Variants in SGTA observed in about 807,000 individuals in gnomAD.
SGTA encodes the protein small glutamine-rich tetratricopeptide repeat-containing protein alpha.
In SGTA, 22 loss-of-function variants were observed where a neutral mutation model predicts 44.3. The ratio of observed to expected loss-of-function variants is 0.50; its 90% CI spans 0.36 to 0.71. The LOEUF (loss-of-function observed/expected upper bound fraction) is 0.71, where lower values mean the gene tolerates loss of function less well. Among genes scored for constraint, SGTA ranks in the 30% least tolerant of loss-of-function variants. The probability of loss-of-function intolerance (pLI) is 0.00; values close to 1 mark genes in which losing one functional copy is unlikely to be tolerated. For missense variants in SGTA, 341 were observed against 435.9 expected (o/e 0.78, Z 1.94); for synonymous variants, 174 against 177.6 (o/e 0.98, Z 0.16).
intron 1 of SGTA, among the ~76,000 whole-genome samples, chr19:2,778,932 C>A (rs907327912): frequency 1.1e-4 from 16 of 152,238 alleles, no homozygotes; most frequent in African/African-American, 3.9e-4. Context: ...CAGGAGCAAG[C>A]TCAATTTTTT....
rs1189941290 is a variant in SGTA, at chr19:2,763,214, GGCGAATGCAC to G, written c.497+429_497+438del. Among the ~76,000 whole-genome samples, 1 of 152,204 alleles carries G rather than the reference GGCGAATGCAC, an allele frequency of 6.6e-6. No homozygotes were observed. The highest frequency in any genetic ancestry group is 1.5e-5 in the Non-Finnish European group (1 of 68,034). ...CTGAGCAAGGGCATTCAGAGAAGCA[GGCGAATGCAC>G]GCTTATGCTGGGAGGGCGGCACCGG... On this transcript the variant is annotated intron_variant, in intron 6 of 11. Coordinates refer to ENST00000221566, the MANE Select transcript of SGTA (RefSeq NM_003021.4). The surrounding 1 kb of genome is among the most constrained non-coding windows in gnomAD (Gnocchi z 5.8).
At chr19:2,762,210 C>A (rs1915014983) in intron 7 of SGTA, among the ~76,000 whole-genome samples, 1 of 152,170 alleles carries the variant, frequency 6.6e-6, no homozygotes, top group Admixed American at 6.5e-5. Flanking sequence ...ACCAGCCAAC[C>A]CGAAGCCTCC....
intron 1 of SGTA, among the ~76,000 whole-genome samples, chr19:2,781,399 G>A (rs1004148847): frequency 7.2e-5 from 11 of 152,184 alleles, no homozygotes; most frequent in South Asian, 2.1e-4. Flanking sequence ...CTCTGCAGGC[G>A]TTAAGTTCCC....
intron 1 of SGTA, among the ~76,000 whole-genome samples, chr19:2,779,506 G>A (rs1915522415): frequency 6.6e-6 from 1 of 152,214 alleles, no homozygotes; most frequent in South Asian, 2.1e-4. Context: ...CGGTGTCTTT[G>A]GAACAATCAC....
chr19:2,766,727 C>T (rs1227927276), intron 4 of SGTA, among the ~76,000 whole-genome samples: 2 of 152,120 alleles, frequency 1.3e-5, no homozygotes, highest in East Asian at 1.9e-4. Context: ...TGAGCCACCG[C>T]GCCCGGCCTC....
intron 1 of SGTA, among the ~76,000 whole-genome samples, chr19:2,775,562 G>A (rs1181651159): frequency 6.6e-6 from 1 of 152,196 alleles, no homozygotes; most frequent in Non-Finnish European, 1.5e-5. Flanking sequence ...ACAAAACAGA[G>A]AGCAAAAGAG....
chr19:2,755,973 G>T lies in SGTA; in HGVS notation c.*7-40C>A. ...ACATGAAGGCTGTCAGAGCGCAGGT[G>T]GGGACCAAGGCTGCACCACACACTC... is the stretch of plus-strand genomic sequence containing the variant. On this transcript the variant is annotated intron_variant, in intron 11 of 11. Coordinates refer to ENST00000221566, the MANE Select transcript of SGTA (RefSeq NM_003021.4). This position sits in a 1 kb window ranked among gnomAD's most constrained non-coding sequence, Gnocchi z 5.2. The T allele has an allele frequency of 1.0e-6, 1 of 978,884 alleles. No individual in the cohort carries two copies. The highest frequency in any genetic ancestry group is 1.2e-6 in the Non-Finnish European group (1 of 824,030). 60.6% of individuals were successfully genotyped at this position (978,884 alleles called of 1,614,324 possible).
intron 4 of SGTA, among the ~76,000 whole-genome samples, chr19:2,766,883 G>C (rs1201226009): frequency 2.0e-5 from 3 of 151,988 alleles, no homozygotes; most frequent in Non-Finnish European, 4.4e-5. Context: ...GGGGCCACCA[G>C]CCAGTCTTCC....
chr19:2,758,923 C>T (rs993032756), intron 9 of SGTA, among the ~76,000 whole-genome samples: 1 of 152,058 alleles, frequency 6.6e-6, no homozygotes, highest in South Asian at 2.1e-4. Flanking sequence ...ACGAAATGTC[C>T]AGGACAGGCC....
intron 6 of SGTA, 39 bp from the exon 7 acceptor site, chr19:2,762,683 C>T: frequency 6.2e-7 from 1 of 1,609,822 alleles, no homozygotes; most frequent in African/African-American, 1.3e-5. Flanking sequence ...TCCCATCTGC[C>T]CAGCTCCAGG....
Position 2,762,610 on chromosome 19 carries a change from C to A in SGTA, c.532G>T (p.Ala178Ser). The A allele has an allele frequency of 6.2e-7, 1 of 1,614,042 alleles. No homozygotes were observed. The highest frequency in any genetic ancestry group is 8.5e-7 in the Non-Finnish European group (1 of 1,179,984). ...AGAGCCTTCTTGTAGTAAGCCACGG[C>A]CTCCACGTGCTTGTTGAGGCTGGAG... Reference protein sequence around the residue: ...ALSSLNKHVEAVAYYKKALEL... With the variant: ...ALSSLNKHVESVAYYKKALEL... Residue 178 changes from alanine to serine, a missense_variant, in exon 7 of 12, where the codon GCC (alanine) becomes TCC (serine). Physicochemically the swap from Ala to Ser is moderately conservative, Grantham distance 99. Transcript: ENST00000221566.
rs1914995495 is a variant in SGTA, at chr19:2,761,703, C to CT, written c.637-182dup. On this transcript the variant is annotated intron_variant, in intron 7 of 11. Transcript: ENST00000221566. This position sits in a 1 kb window ranked among gnomAD's most constrained non-coding sequence, Gnocchi z 5.7. ...CGCAACCGCCCGGGGACGGCACAGT[C>CT]TGTCATCCCGTGTTTATTCCCCGCA... Among the ~76,000 whole-genome samples, 1 of 151,980 alleles carries CT rather than the reference C, an allele frequency of 6.6e-6. No homozygotes were observed. Among genetic ancestry groups the CT allele is most frequent in the African/African-American group, 2.4e-5 (1 of 41,284 alleles).
Position 2,765,265 on chromosome 19 carries a change from C to T in SGTA, c.313G>A (p.Glu105Lys). The T allele has an allele frequency of 1.2e-6, 2 of 1,612,192 alleles. No individual in the cohort carries two copies. Among genetic ancestry groups the T allele is most frequent in the Non-Finnish European group, 1.7e-6 (2 of 1,179,810 alleles). The change falls in exon 5 of 12, where the codon GAA (glutamate) becomes AAA (lysine). Residue 105 changes from glutamate to lysine, a missense_variant. Physicochemically the swap from Glu to Lys is moderately conservative, Grantham distance 56. Transcript: ENST00000221566. The surrounding 1 kb of genome is among the most constrained non-coding windows in gnomAD (Gnocchi z 5.5). ...AAATGCACGGCAGCTTCAAAGTTTTCCACTTTCATCTGCTCGTTTCCTACA... is the reference window on the plus strand; with the variant it reads ...AAATGCACGGCAGCTTCAAAGTTTTTCACTTTCATCTGCTCGTTTCCTACA... Reference protein sequence around the residue: ...KTEGNEQMKVENFEAAVHFYG... With the variant: ...KTEGNEQMKVKNFEAAVHFYG...
chr19:2,767,637 A>G lies in SGTA; in HGVS notation c.150T>C (p.Ser50=), dbSNP rs777011228. The part of the protein sequence containing the change: ...ETAFGVTVED[S]DLALPQTLPE... ...GCAGAGTCTGAGGGAGCGCAAGGTC[A>G]CTGTCTTCTACCGTCACCCCAAACG... Residue 50 remains serine, a synonymous_variant, in exon 3 of 12, where the codon AGT becomes AGC. Coordinates refer to ENST00000221566, the MANE Select transcript of SGTA (RefSeq NM_003021.4). This position sits in a 1 kb window ranked among gnomAD's most constrained non-coding sequence, Gnocchi z 7.3. 1 of 1,613,728 alleles carries G rather than the reference A, an allele frequency of 6.2e-7. No homozygotes were observed. Among genetic ancestry groups the G allele is most frequent in the Non-Finnish European group, 8.5e-7 (1 of 1,179,980 alleles).
Position 2,761,610 on chromosome 19 carries a change from A to T in SGTA, c.637-88T>A, listed in dbSNP as rs771767513. The stretch of plus-strand genomic sequence containing the variant: ...TGGAACTCAGAAACAACGGCCCCCC[A>T]CGGGGCTCAGACATTCTATCAACCC... On this transcript the variant is annotated intron_variant, in intron 7 of 11. Coordinates refer to ENST00000221566, the MANE Select transcript of SGTA (RefSeq NM_003021.4). This position sits in a 1 kb window ranked among gnomAD's most constrained non-coding sequence, Gnocchi z 5.7. The T allele has an allele frequency of 5.4e-5, 59 of 1,101,556 alleles. No individual in the cohort carries two copies. The highest frequency in any genetic ancestry group is 4.0e-4 in the Admixed American group (20 of 49,804). 68.2% of individuals were successfully genotyped at this position (1,101,556 alleles called of 1,614,324 possible). A position where few individuals can be genotyped will look rare whatever the true frequency, so the allele number is the denominator to read the frequency against.
intron 1 of SGTA, among the ~76,000 whole-genome samples, chr19:2,774,760 G>T (rs994171360): frequency 5.3e-5 from 8 of 152,166 alleles, no homozygotes; most frequent in African/African-American, 1.9e-4. Flanking sequence ...GGGATCACAG[G>T]TGTGAGCCAC....
At chr19:2,773,353 C>T (rs1915360788) in intron 1 of SGTA, among the ~76,000 whole-genome samples, 1 of 9,860 alleles carries the variant, frequency 1.0e-4, no homozygotes. Context: ...GTGACGCGGC[C>T]ACACGGCAGG....
rs113356572 is a variant in SGTA, at chr19:2,754,762, G to A, written c.*1178C>T. ...CCCCACACGTCACGCCCTGCACCCC[G>A]GGTGGGCTTGGCACACACCTCACCG... On this transcript the variant is annotated 3_prime_UTR_variant, in exon 12 of 12. Coordinates refer to ENST00000221566, the MANE Select transcript of SGTA (RefSeq NM_003021.4). The surrounding 1 kb of genome is among the most constrained non-coding windows in gnomAD (Gnocchi z 4.4). The A allele has an allele frequency of 9.2e-5, 14 of 152,400 alleles. No homozygotes were observed. Among genetic ancestry groups the A allele is most frequent in the East Asian group, 1.9e-4 (1 of 5,172 alleles). 9.4% of individuals were successfully genotyped at this position (152,400 alleles called of 1,614,324 possible).
At position 2,759,244 on chromosome 19, in the gene SGTA, G is replaced by A. The variant is rs73516482; in HGVS notation, c.737+13C>T. 8,266 of 1,613,104 alleles carry A rather than the reference G, an allele frequency of 5.1e-3. 332 individuals are homozygous for A. In the African/African-American group the frequency reaches 0.093, roughly 18 times the overall value. On this transcript the variant is annotated intron_variant, in intron 9 of 11. Coordinates refer to ENST00000221566, the MANE Select transcript of SGTA (RefSeq NM_003021.4). ...ACCACAACAAGACCCGAAGAAACCC[G>A]GTTGTCACTTACAGCTGCTGAATCT... is the stretch of plus-strand genomic sequence containing the variant.
Sources: allele counts gnomAD v4.1 joint callset (sites outside exome capture counted in the v4.1 genomes callset), GRCh38; gene constraint gnomAD v4.1.1; non-coding constraint Gnocchi (gnomAD v3.1); transcripts MANE v1.5; gene names NCBI Gene and HGNC (gene_info 2026-07-23, HGNC 2026-07-21).